The following WLS variants were observed in gnomAD, a reference collection of about 807,000 sequenced individuals.
The protein encoded by WLS is Wnt ligand secretion mediator.
A neutral mutation model predicts 62.8 loss-of-function variants in WLS; 23 were observed. The ratio of observed to expected loss-of-function variants is 0.37; its 90% confidence interval spans 0.26 to 0.52. The LOEUF is 0.52. Ranked by LOEUF, WLS falls within the 20% of genes least tolerant of loss-of-function variation. WLS has a pLI of 0.92. For synonymous variants in WLS, 246 were observed against 244.1 expected, an observed-to-expected ratio of 1.01 and a Z score of -0.07; for missense variants, 615 against 697.3, an observed-to-expected ratio of 0.88 and a Z score of 1.33.
chr1:68,211,914 G>A (rs778320900), intron 1 of WLS, among the ~76,000 whole-genome samples: 5 of 152,096 alleles, frequency 3.3e-5, no homozygotes, highest in Non-Finnish European at 5.9e-5. Context: ...TTAACCCCTC[G>A]ATTAGCCATT....
intron 2 of WLS, among the ~76,000 whole-genome samples, chr1:68,168,702 T>C (rs17130542): frequency 0.011 from 1,668 of 152,246 alleles, 28 homozygotes; most frequent in African/African-American, 0.037. Flanking sequence ...CCACATTACA[T>C]AGGGGAGCTG....
At chr1:68,223,638 A>G (rs1234571675) in intron 1 of WLS, among the ~76,000 whole-genome samples, 1 of 152,154 alleles carries the variant, frequency 6.6e-6, no homozygotes, top group African/African-American at 2.4e-5. Flanking sequence ...TCAATGAGAC[A>G]CTCCAACAAG....
At chr1:68,135,465 G>A (rs11209223) in intron 11 of WLS, among the ~76,000 whole-genome samples, 73,981 of 151,808 alleles carry the variant, frequency 0.49, 18,420 homozygotes, top group South Asian at 0.56. Flanking sequence ...ACAGAAATTC[G>A]TAGTTCAAAA....
chr1:68,103,773 C>T, intron 11 of WLS, among the ~76,000 whole-genome samples: 1 of 152,176 alleles, frequency 6.6e-6, no homozygotes, highest in East Asian at 1.9e-4. Context: ...TTCCTTAATC[C>T]ACAGCAGTAT....
intron 1 of WLS, among the ~76,000 whole-genome samples, chr1:68,223,261 TGTTA>T (rs1209397237): frequency 5.9e-5 from 9 of 152,244 alleles, no homozygotes; most frequent in African/African-American, 1.9e-4. Context: ...TGTTCTTATT[TGTTA>T]GTTTTCTGCA....
intron 5 of WLS, 85 bp from the exon 6 acceptor site, chr1:68,150,441 C>T (rs1225976286): frequency 2.6e-6 from 4 of 1,548,732 alleles, no homozygotes; most frequent in African/African-American, 2.7e-5. Context: ...AGTTTTGAGA[C>T]ATGAGATGTT....
intron 2 of WLS, among the ~76,000 whole-genome samples, chr1:68,181,232 A>C (rs1386379570): frequency 1.3e-5 from 2 of 152,212 alleles, no homozygotes; most frequent in Non-Finnish European, 2.9e-5. Flanking sequence ...CAAAGTTAGA[A>C]GAGGAGGTGA....
intron 3 of WLS, among the ~76,000 whole-genome samples, chr1:68,158,780 TCAGA>T (rs1244056548): frequency 1.3e-5 from 2 of 152,094 alleles, no homozygotes; most frequent in Non-Finnish European, 1.5e-5. Flanking sequence ...AAACTGAAGC[TCAGA>T]CAGATTATGT....
At chr1:68,198,459 T>C (rs1166831791) in intron 1 of WLS, among the ~76,000 whole-genome samples, 1 of 152,216 alleles carries the variant, frequency 6.6e-6, no homozygotes, top group East Asian at 1.9e-4. Context: ...CATTTAATGT[T>C]AAAGTGATAT....
At chr1:68,114,549 T>A (rs150797977) in intron 11 of WLS, among the ~76,000 whole-genome samples, 14 of 152,360 alleles carry the variant, frequency 9.2e-5, no homozygotes, top group Admixed American at 2.6e-4. Context: ...TTTCTGCAGA[T>A]GAAGAAATTG....
At chr1:68,123,678 A>G (rs917305365), downstream of WLS, among the ~76,000 whole-genome samples, 1 of 152,146 alleles carries the variant, frequency 6.6e-6, no homozygotes, top group African/African-American at 2.4e-5. Context: ...ACACCGATCT[A>G]TAAGGTAGGC....
intron 1 of WLS, among the ~76,000 whole-genome samples, chr1:68,201,809 G>A (rs377565209): frequency 1.3e-4 from 19 of 151,946 alleles, no homozygotes; most frequent in East Asian, 9.6e-4. Flanking sequence ...AATTTGTACC[G>A]TACACACAAA....
intron 1 of WLS, among the ~76,000 whole-genome samples, chr1:68,195,812 A>G (rs1648629484): frequency 6.6e-6 from 1 of 151,912 alleles, no homozygotes; most frequent in Non-Finnish European, 1.5e-5. Context: ...TTGCAATTTC[A>G]TTTTTTCTAA....
intron 11 of WLS, among the ~76,000 whole-genome samples, chr1:68,109,759 C>A (rs1646197066): frequency 6.6e-6 from 1 of 151,782 alleles, no homozygotes; most frequent in Non-Finnish European, 1.5e-5. Context: ...ATATATTGAA[C>A]ACATACAGCT....
intron 2 of WLS, among the ~76,000 whole-genome samples, chr1:68,170,307 A>C (rs1377553797): frequency 1.3e-5 from 2 of 151,860 alleles, no homozygotes; most frequent in Non-Finnish European, 2.9e-5. Context: ...CTGGGATTAC[A>C]TGCATGGGCC....
At chr1:68,200,015 G>A (rs973938601) in intron 1 of WLS, among the ~76,000 whole-genome samples, 2 of 152,112 alleles carry the variant, frequency 1.3e-5, no homozygotes, top group East Asian at 3.9e-4. Flanking sequence ...ATCTGCTTTG[G>A]GGTACAAGGG....
intron 2 of WLS, among the ~76,000 whole-genome samples, chr1:68,171,639 C>A (rs2494197): frequency 0.27 from 41,732 of 152,016 alleles, 5,821 homozygotes; most frequent in Middle Eastern, 0.31. Flanking sequence ...GTTAGAATGG[C>A]GATCATTGAA....
chr1:68,196,882 C>T (rs1352047750), intron 1 of WLS, among the ~76,000 whole-genome samples: 3 of 152,124 alleles, frequency 2.0e-5, no homozygotes, highest in African/African-American at 7.2e-5. Context: ...GTTATCCTGA[C>T]TCAGCTAAAT....
chr1:68,164,689 T>C lies in WLS; in HGVS notation c.380-5442A>G, dbSNP rs1055073034. Among the ~76,000 whole-genome samples, 3 of 152,036 alleles carry C rather than the reference T, an allele frequency of 2.0e-5. No homozygotes were observed. The East Asian group carries it at 5.8e-4, about 29-fold the overall frequency. ...GCAGGAACCTGAAGCCACTCAGAAT[T>C]TGAAAGTACCAGGGGTTGCAGAAGG... On this transcript the variant is annotated intron_variant, in intron 2 of 11. Transcript: ENST00000262348.
Sources: gnomAD v4.1 joint callset for allele counts (sites outside exome capture counted in the v4.1 genomes callset) on GRCh38, gnomAD v4.1.1 for gene constraint, MANE v1.5 for transcripts, NCBI Gene and HGNC (gene_info 2026-07-23, HGNC 2026-07-21) for gene names.